NBEA: variants seen among roughly 807,000 people sequenced by gnomAD.
NBEA encodes lysosomal-trafficking regulator 2.
Under a neutral mutation model 343.4 loss-of-function variants are expected in NBEA, and 44 were observed. The observed-to-expected ratio is 0.13, with a 90% CI of 0.10 to 0.16. NBEA has a LOEUF of 0.16. NBEA is among the 10% of genes least tolerant of loss of function. The probability of loss-of-function intolerance (pLI) is 1.00; values close to 1 mark genes in which losing one functional copy is unlikely to be tolerated. For synonymous variants in NBEA, 1,175 were observed against 1,238.7 expected (o/e 0.95, Z 1.08); for missense variants, 2,555 against 3,631.3 (o/e 0.70, Z 7.62).
intron 48 of NBEA, among the ~76,000 whole-genome samples, chr13:35,619,735 C>T (rs1258854685): frequency 6.6e-6 from 1 of 152,214 alleles, no homozygotes; most frequent in Non-Finnish European, 1.5e-5. Context: ...CAAGTCATCA[C>T]TGTCAGGTGC....
chr13:35,510,508 C>T (rs985666051), intron 41 of NBEA, among the ~76,000 whole-genome samples: 2 of 152,162 alleles, frequency 1.3e-5, no homozygotes, highest in African/African-American at 4.8e-5. Context: ...CATGCACCAG[C>T]CACCTCGCTG....
At chr13:35,440,028 C>T (rs558890793) in intron 39 of NBEA, among the ~76,000 whole-genome samples, 11 of 152,212 alleles carry the variant, frequency 7.2e-5, no homozygotes, top group East Asian at 3.9e-4. Flanking sequence ...TACAGGCATG[C>T]GCCACCACGC....
intron 52 of NBEA, 37 bp downstream of exon 52, chr13:35,649,884 C>A: frequency 6.3e-7 from 1 of 1,580,676 alleles, no homozygotes; most frequent in Non-Finnish European, 8.6e-7. Context: ...CTAAAGATTT[C>A]TTAAAAGCTA....
At position 35,116,927 on chromosome 13, in the gene NBEA, TACAAGTG is replaced by T. The variant is rs139158032; in HGVS notation, c.2003-483_2003-477del. 2.6e-3 allele frequency among the ~76,000 whole-genome samples: 392 copies of T among 152,164 alleles called. 1 individual carries two copies. The highest frequency in any genetic ancestry group is 9.1e-3 in the African/African-American group (378 of 41,548). On this transcript the variant is annotated intron_variant, in intron 13 of 58. Transcript: ENST00000379939. The stretch of plus-strand genomic sequence containing the variant: ...CCCACTATAATATGTATTTTCTGTA[TACAAGTG>T]ACATAGAAGAAATAGGCTGCAAAAC...
At chr13:35,097,551 A>T (rs1431137732) in intron 10 of NBEA, among the ~76,000 whole-genome samples, 2 of 152,074 alleles carry the variant, frequency 1.3e-5, no homozygotes, top group Non-Finnish European at 2.9e-5. Context: ...AAATCATTAT[A>T]TGTAACTGTG....
intron 1 of NBEA, among the ~76,000 whole-genome samples, chr13:35,021,376 A>C (rs1161539780): frequency 6.6e-6 from 1 of 152,148 alleles, no homozygotes; most frequent in Non-Finnish European, 1.5e-5. Flanking sequence ...TTGTAGACAG[A>C]TTGTAATGGA....
At chr13:34,954,072 G>T (rs1164063802) in intron 1 of NBEA, among the ~76,000 whole-genome samples, 1 of 152,166 alleles carries the variant, frequency 6.6e-6, no homozygotes, top group Non-Finnish European at 1.5e-5. Context: ...TGCCAAAAAG[G>T]TTGGGGATCG....
At chr13:35,131,292 T>C (rs1024229400) in intron 17 of NBEA, among the ~76,000 whole-genome samples, 2 of 152,174 alleles carry the variant, frequency 1.3e-5, no homozygotes, top group African/African-American at 4.8e-5. Context: ...TATCCAATTA[T>C]AAGGGAAATT....
intron 1 of NBEA, among the ~76,000 whole-genome samples, chr13:35,021,761 G>A (rs187235826): frequency 4.8e-3 from 735 of 152,062 alleles, no homozygotes; most frequent in Non-Finnish European, 7.5e-3. Flanking sequence ...TATTTCTCCC[G>A]CCATGTCCTT....
chr13:35,382,605 G>T (rs1038051172), intron 38 of NBEA, among the ~76,000 whole-genome samples: 3 of 152,068 alleles, frequency 2.0e-5, no homozygotes, highest in Admixed American at 6.6e-5. Context: ...TGCAAAAAGG[G>T]AGTGAATTGT....
chr13:35,471,998 C>T (rs942434222), intron 40 of NBEA, among the ~76,000 whole-genome samples: 17 of 152,132 alleles, frequency 1.1e-4, no homozygotes, highest in African/African-American at 3.9e-4. Context: ...AGTGGAACGG[C>T]TTCGCGCGAT....
intron 41 of NBEA, among the ~76,000 whole-genome samples, chr13:35,496,440 G>A (rs767313878): frequency 2.2e-4 from 33 of 151,698 alleles, no homozygotes; most frequent in Admixed American, 4.6e-4. Flanking sequence ...TTTGAGACCC[G>A]CCTGAGCAAC....
chr13:34,986,055 A>C (rs1175622130), intron 1 of NBEA, among the ~76,000 whole-genome samples: 1 of 149,576 alleles, frequency 6.7e-6, no homozygotes, highest in Non-Finnish European at 1.5e-5. Context: ...CTCTGATCTT[A>C]GTTATTTCTT....
intron 19 of NBEA, 77 bp downstream of exon 19, chr13:35,155,932 A>G (rs2069141522): frequency 6.6e-7 from 1 of 1,510,328 alleles, no homozygotes; most frequent in Non-Finnish European, 9.2e-7. Context: ...ACTTTTCCTA[A>G]CCCCTTAAAT....
At chr13:35,228,796 G>T (rs1212638306) in intron 33 of NBEA, among the ~76,000 whole-genome samples, 1 of 152,008 alleles carries the variant, frequency 6.6e-6, no homozygotes, top group Non-Finnish European at 1.5e-5. Flanking sequence ...TGTGACTTAA[G>T]GGGAAAAAAT....
chr13:35,109,850 A>G (rs1282858844), intron 12 of NBEA, among the ~76,000 whole-genome samples: 20 of 151,960 alleles, frequency 1.3e-4, no homozygotes, highest in Non-Finnish European at 2.4e-4. Context: ...AAATAAATAT[A>G]TACATGAATT....
intron 39 of NBEA, among the ~76,000 whole-genome samples, chr13:35,445,205 CT>C (rs1159611602): frequency 2.6e-5 from 4 of 152,074 alleles, no homozygotes; most frequent in Non-Finnish European, 4.4e-5. Flanking sequence ...TTTTTTCCCC[CT>C]CTTTACGTAA....
chr13:35,142,386 A>T lies in NBEA; in HGVS notation c.2445+9A>T, dbSNP rs377132948. 2 of 1,596,896 alleles carry T rather than the reference A, an allele frequency of 1.3e-6. No homozygotes were observed. The highest frequency in any genetic ancestry group is 2.7e-5 in the African/African-American group (2 of 74,510). On this transcript the variant is annotated intron_variant, in intron 18 of 58. Coordinates refer to ENST00000379939, the MANE Select transcript of NBEA (RefSeq NM_001385012.1). ...ACAACACACTTTATGAGGTAAAAAT[A>T]AAAAATGTGTGATGAAAGTTTTAAG...
intron 33 of NBEA, among the ~76,000 whole-genome samples, chr13:35,212,765 A>G (rs1311227321): frequency 1.3e-5 from 2 of 152,082 alleles, no homozygotes; most frequent in African/African-American, 2.4e-5. Flanking sequence ...TTTAGTTTGC[A>G]TTCTCCTGAT....
Sources: gnomAD v4.1 joint callset for allele counts (sites outside exome capture counted in the v4.1 genomes callset) on GRCh38, gnomAD v4.1.1 for gene constraint, MANE v1.5 for transcripts, NCBI Gene and HGNC (gene_info 2026-07-23, HGNC 2026-07-21) for gene names.